Variants in SLC38A6 observed in about 807,000 individuals in gnomAD.
SLC38A6 encodes solute carrier family 38 member 6.
A neutral mutation model predicts 65.0 loss-of-function variants in SLC38A6; 73 were observed. The observed-to-expected ratio is 1.12, with a 90% CI of 0.93 to 1.37. The LOEUF (loss-of-function observed/expected upper bound fraction) is 1.37. SLC38A6 is among the 40% of genes most tolerant of loss of function. SLC38A6 has a pLI of 0.00. For synonymous variants in SLC38A6, 183 were observed against 178.8 expected (o/e 1.02, Z -0.19); for missense variants, 561 against 531.1 (o/e 1.06, Z -0.55).
At chr14:60,985,335 A>G (rs1200322389) in intron 3 of SLC38A6, among the ~76,000 whole-genome samples, 1 of 152,250 alleles carries the variant, frequency 6.6e-6, no homozygotes, top group Admixed American at 6.5e-5. Flanking sequence ...AGTTAATTCA[A>G]TATATTTGTG....
rs767416642 is a variant in SLC38A6 at position 61,043,229 on chromosome 14, T to C, written c.690+17T>C. On this transcript the variant is annotated intron_variant, in intron 9 of 15. Transcript: ENST00000267488. ...GGTTTCCAGGTAATAGCTTATATTT[T>C]CTTTTCAGTTTCTTCCTTTTTATTT... 7.1e-7 allele frequency: 1 copy of C among 1,399,342 alleles called. No homozygotes were observed. Among genetic ancestry groups the C allele is most frequent in the Non-Finnish European group, 9.9e-7 (1 of 1,015,100 alleles). The allele number at this position is 1,399,342 out of a possible 1,614,324, so 86.7% of individuals were successfully genotyped here.
chr14:61,012,546 C>T (rs2039660976), intron 3 of SLC38A6, among the ~76,000 whole-genome samples: 2 of 152,212 alleles, frequency 1.3e-5, no homozygotes, highest in Non-Finnish European at 2.9e-5. Flanking sequence ...CCTCTACACA[C>T]TGCTTTGAAT....
chr14:61,082,139 G>A (rs1443145089), intron 16 of SLC38A6, among the ~76,000 whole-genome samples: 1 of 152,072 alleles, frequency 6.6e-6, no homozygotes, highest in Non-Finnish European at 1.5e-5. Context: ...TGCATCAATG[G>A]ATGGATGAAT....
intron 15 of SLC38A6, among the ~76,000 whole-genome samples, chr14:61,066,924 G>A (rs1020854446): frequency 6.6e-6 from 1 of 151,890 alleles, no homozygotes; most frequent in Non-Finnish European, 1.5e-5. Context: ...CAAATTCTTA[G>A]CACATATTAT....
intron 4 of SLC38A6, among the ~76,000 whole-genome samples, chr14:61,017,876 A>G (rs992038546): frequency 1.3e-5 from 2 of 152,254 alleles, no homozygotes; most frequent in African/African-American, 4.8e-5. Flanking sequence ...AGTTGGGTTG[A>G]AACTTAACCA....
intron 15 of SLC38A6, among the ~76,000 whole-genome samples, chr14:61,073,126 T>C (rs900280455): frequency 1.3e-5 from 2 of 152,234 alleles, no homozygotes; most frequent in African/African-American, 2.4e-5. Context: ...ATTTCTCTGA[T>C]GATCAGTGAT....
chr14:61,048,300 A>C, intron 12 of SLC38A6: 1 of 360,940 alleles, frequency 2.8e-6, no homozygotes, highest in South Asian at 2.1e-5. Flanking sequence ...AATTAAAGGC[A>C]GGTTTCCTGA....
chr14:61,047,383 A>C (rs181754353), intron 12 of SLC38A6, among the ~76,000 whole-genome samples: 8 of 152,282 alleles, frequency 5.3e-5, no homozygotes, highest in Non-Finnish European at 8.8e-5. Context: ...AGACAGTGTC[A>C]GGTATTTTAT....
At chr14:61,067,087 A>T (rs182784617) in intron 15 of SLC38A6, among the ~76,000 whole-genome samples, 1 of 152,374 alleles carries the variant, frequency 6.6e-6, no homozygotes, top group African/African-American at 2.4e-5. Context: ...AAAATTATAC[A>T]TGTATTTTTA....
chr14:61,047,343 A>T (rs1180951190), intron 12 of SLC38A6, among the ~76,000 whole-genome samples: 1 of 152,174 alleles, frequency 6.6e-6, no homozygotes, highest in Non-Finnish European at 1.5e-5. Context: ...GGAAGGATGG[A>T]AGCTAATACA....
intron 3 of SLC38A6, among the ~76,000 whole-genome samples, chr14:61,010,257 C>A (rs1441154495): frequency 2.0e-5 from 3 of 152,010 alleles, no homozygotes; most frequent in African/African-American, 4.8e-5. Context: ...TGTTTGAGTT[C>A]ATTGTAGATT....
chr14:61,071,728 A>G lies in SLC38A6; in HGVS notation c.1291-7082A>G, dbSNP rs562785405. Among the ~76,000 whole-genome samples, 41 of 152,034 alleles carry G rather than the reference A, an allele frequency of 2.7e-4. 1 individual carries two copies. The highest frequency in any genetic ancestry group is 4.9e-4 in the Non-Finnish European group (33 of 67,990). ...AGAAGATATACTGATTTATATTCACAACAACTATGTAGGAATTACCCTTTC... is the reference window on the plus strand; with the variant it reads ...AGAAGATATACTGATTTATATTCACGACAACTATGTAGGAATTACCCTTTC... On this transcript the variant is annotated intron_variant, in intron 15 of 16. Coordinates refer to the SLC38A6 transcript ENST00000354886.
chr14:61,007,463 A>G (rs1451824083), intron 3 of SLC38A6, among the ~76,000 whole-genome samples: 1 of 152,086 alleles, frequency 6.6e-6, no homozygotes, highest in Non-Finnish European at 1.5e-5. Flanking sequence ...AACCCTGCCT[A>G]TACAAAAAGT....
intron 3 of SLC38A6, among the ~76,000 whole-genome samples, chr14:60,998,590 T>C (rs1287225880): frequency 6.6e-6 from 1 of 152,178 alleles, no homozygotes; most frequent in Non-Finnish European, 1.5e-5. Context: ...TGATTCTTCC[T>C]GGACACAGGA....
At chr14:61,016,766 T>C (rs1340012423) in intron 4 of SLC38A6, among the ~76,000 whole-genome samples, 1 of 152,218 alleles carries the variant, frequency 6.6e-6, no homozygotes, top group African/African-American at 2.4e-5. Flanking sequence ...TTGTTTGTGT[T>C]TTTATGTTTT....
intron 5 of SLC38A6, among the ~76,000 whole-genome samples, chr14:61,020,466 A>T (rs1164929020): frequency 6.6e-6 from 1 of 152,146 alleles, no homozygotes; most frequent in Admixed American, 6.6e-5. Flanking sequence ...GGTCTGAGCT[A>T]TATCACTTTA....
At chr14:61,083,622 T>C in exon 17 of SLC38A6, 1 of 1,550,438 alleles carries the variant, frequency 6.4e-7, no homozygotes, top group Non-Finnish European at 8.7e-7. Context: ...AAGGCAACTG[T>C]TTACAAGCCA....
In SLC38A6 at chr14:61,045,401, T is replaced by G. The variant is rs1237427204; in HGVS notation, c.800T>G (p.Leu267Trp). 6.2e-7 allele frequency: 1 copy of G among 1,613,384 alleles called. No homozygotes were observed. Among genetic ancestry groups the G allele is most frequent in the Admixed American group, 1.7e-5 (1 of 60,012 alleles). The change falls in exon 11 of 16, where the codon TTG (leucine) becomes TGG (tryptophan). Residue 267 changes from leucine to tryptophan, a missense_variant. By Grantham distance (61) the Leu-to-Trp change is moderately conservative. Transcript: ENST00000267488. ...AFSFLCHTSI[L>W]PIYCELQSPS... is the part of the protein sequence containing the mutation. The stretch of plus-strand genomic sequence containing the variant: ...TCATTTCTCTGCCATACCTCAATAT[T>G]GCCCATATACTGTGAACTTCAAAGG...
At chr14:61,055,081 A>AT (rs35859119), downstream of SLC38A6, among the ~76,000 whole-genome samples, 6,931 of 109,380 alleles carry the variant, frequency 0.063, 485 homozygotes, top group South Asian at 0.25. Context: ...GCAGTGTTGA[A>AT]TTTTTTTTTT....
Sources: gnomAD v4.1 joint callset for allele counts (sites outside exome capture counted in the v4.1 genomes callset) on GRCh38, gnomAD v4.1.1 for gene constraint, MANE v1.5 for transcripts, NCBI Gene and HGNC (gene_info 2026-07-23, HGNC 2026-07-21) for gene names.